The following SHANK2 variants were observed in gnomAD, a reference collection of about 807,000 sequenced individuals.
The protein encoded by SHANK2 is SH3 and multiple ankyrin repeat domains 2.
A neutral mutation model predicts 133.7 loss-of-function variants in SHANK2; 43 were observed. The observed-to-expected ratio is 0.32, with a 90% confidence interval of 0.25 to 0.41. SHANK2 has a LOEUF of 0.41. Ranked by LOEUF, SHANK2 falls within the 10% of genes least tolerant of loss-of-function variation. The pLI is 1.00. For missense variants in SHANK2, 1,994 were observed against 2,235.8 expected, an observed-to-expected ratio of 0.89 and a Z score of 2.18; for synonymous variants, 1,017 against 952.8, an observed-to-expected ratio of 1.07 and a Z score of -1.24.
At chr11:71,250,891 C>T (rs1948166624) in intron 1 of SHANK2, among the ~76,000 whole-genome samples, 1 of 152,366 alleles carries the variant, frequency 6.6e-6, no homozygotes, top group South Asian at 2.1e-4. Flanking sequence ...GAAATTACCT[C>T]TCTGGATCTG....
intron 14 of SHANK2, among the ~76,000 whole-genome samples, chr11:70,760,688 GGCCCCATGGTGGCT>G (rs1946977627): frequency 6.6e-6 from 1 of 152,236 alleles, no homozygotes; most frequent in Non-Finnish European, 1.5e-5. Context: ...GGCTCGGGAA[GGCCCCATGGTGGCT>G]GCTCCCCTGA....
chr11:70,584,217 G>A (rs2060219584), intron 17 of SHANK2, among the ~76,000 whole-genome samples: 1 of 152,158 alleles, frequency 6.6e-6, no homozygotes. Flanking sequence ...TGGTGAGTCC[G>A]AAGGTAGGAG....
intron 15 of SHANK2, among the ~76,000 whole-genome samples, chr11:70,686,944 G>C (rs189703480): frequency 2.0e-5 from 3 of 152,184 alleles, no homozygotes; most frequent in African/African-American, 4.8e-5. Flanking sequence ...GATGGCCCCT[G>C]TCTGGACCCC....
intron 12 of SHANK2, among the ~76,000 whole-genome samples, chr11:70,816,766 G>A (rs568353290): frequency 3.7e-4 from 57 of 152,264 alleles, no homozygotes; most frequent in African/African-American, 1.3e-3. Flanking sequence ...CCGAATGAGC[G>A]TTTCCCTATC....
At chr11:70,736,487 A>G (rs562258) in intron 14 of SHANK2, among the ~76,000 whole-genome samples, 72,827 of 152,024 alleles carry the variant, frequency 0.48, 18,322 homozygotes, top group African/African-American at 0.64. Flanking sequence ...AAGAGAAGAC[A>G]CAGACACAGA....
chr11:71,086,253 A>ATATTAAATTATATAATATAT (rs1437816656), intron 8 of SHANK2, among the ~76,000 whole-genome samples: 10 of 54,068 alleles, frequency 1.8e-4, no homozygotes, highest in African/African-American at 8.0e-4. Context: ...ATTATGTTAT[A>ATATTAAATTATATAATATAT]TATGTTATAT....
At chr11:70,752,629 C>T (rs1946775734) in intron 14 of SHANK2, among the ~76,000 whole-genome samples, 1 of 147,670 alleles carries the variant, frequency 6.8e-6, no homozygotes, top group Admixed American at 6.9e-5. Flanking sequence ...TGGCGTGAAC[C>T]CGGGAGGCGG....
chr11:71,092,630 G>A, intron 7 of SHANK2, 41 bp from the exon 8 acceptor site: 1 of 1,542,672 alleles, frequency 6.5e-7, no homozygotes. Flanking sequence ...TTGGTCTCAT[G>A]ACCCCTTTTG....
chr11:70,784,386 G>A (rs1040570336), intron 14 of SHANK2, among the ~76,000 whole-genome samples: 32 of 123,674 alleles, frequency 2.6e-4, no homozygotes, highest in Admixed American at 9.2e-4. Context: ...AAGTAGCGAC[G>A]GGGTTTCACC....
intron 10 of SHANK2, among the ~76,000 whole-genome samples, chr11:70,945,438 CAT>C (rs1555085190): frequency 6.6e-6 from 1 of 152,198 alleles, no homozygotes; most frequent in Non-Finnish European, 1.5e-5. Context: ...CCTACGGCCT[CAT>C]GTGGAAGGGC....
At chr11:70,636,575 A>G (rs28568705) in intron 17 of SHANK2, among the ~76,000 whole-genome samples, 6 of 43,842 alleles carry the variant, frequency 1.4e-4, no homozygotes, top group East Asian at 4.9e-4. Flanking sequence ...ATGTGTGTGT[A>G]TGAATGTGAG....
At chr11:70,784,561 C>T (rs1215150780) in intron 14 of SHANK2, among the ~76,000 whole-genome samples, 1 of 151,880 alleles carries the variant, frequency 6.6e-6, no homozygotes, top group Non-Finnish European at 1.5e-5. Flanking sequence ...CCCACCTCAG[C>T]CTCCCAAAGT....
At chr11:70,649,434 A>G (rs1391200620) in intron 17 of SHANK2, among the ~76,000 whole-genome samples, 3 of 152,128 alleles carry the variant, frequency 2.0e-5, no homozygotes, top group Non-Finnish European at 4.4e-5. Flanking sequence ...CTGTTGGCGC[A>G]CACACACCCT....
intron 2 of SHANK2, among the ~76,000 whole-genome samples, chr11:71,172,853 G>A (rs558329755): frequency 1.3e-5 from 2 of 152,352 alleles, no homozygotes; most frequent in South Asian, 4.1e-4. Context: ...GGCAGGCAAT[G>A]GCAGGTACAC....
chr11:70,701,802 T>C (rs781996517), intron 14 of SHANK2, among the ~76,000 whole-genome samples: 4 of 152,136 alleles, frequency 2.6e-5, no homozygotes, highest in Non-Finnish European at 4.4e-5. Flanking sequence ...GAAACAGTTA[T>C]ACTTGGGCTC....
rs543545582 is a variant in SHANK2, at chr11:71,154,215, A to G, written c.-12-6877T>C. Reference sequence around the variant, plus strand: ...CCGAGGCTCCCCTGGTGCCGTTTACAGACATTTAAACTCGGGGTCAAACGG... The same window carrying G: ...CCGAGGCTCCCCTGGTGCCGTTTACGGACATTTAAACTCGGGGTCAAACGG... On this transcript the variant is annotated intron_variant, in intron 2 of 25. Transcript: ENST00000601538. Among the ~76,000 whole-genome samples the G allele has an allele frequency of 1.3e-3, 204 of 152,348 alleles. 2 individuals are homozygous for G. The highest frequency in any genetic ancestry group is 8.7e-3 in the South Asian group (42 of 4,832).
At chr11:70,717,140 C>A (rs1221189349) in intron 14 of SHANK2, among the ~76,000 whole-genome samples, 1 of 152,230 alleles carries the variant, frequency 6.6e-6, no homozygotes, top group Non-Finnish European at 1.5e-5. Context: ...GAAAGGCAGG[C>A]TGCACTCGGG....
At chr11:70,795,555 G>T (rs1350236657) in intron 14 of SHANK2, among the ~76,000 whole-genome samples, 1 of 152,024 alleles carries the variant, frequency 6.6e-6, no homozygotes, top group Admixed American at 6.6e-5. Context: ...ACAGGTGCAT[G>T]GCACCATGTC....
chr11:70,859,240 T>C (rs1949218759), intron 11 of SHANK2, among the ~76,000 whole-genome samples: 1 of 151,892 alleles, frequency 6.6e-6, no homozygotes, highest in Non-Finnish European at 1.5e-5. Flanking sequence ...AATAGATGTG[T>C]AGATAAGTAG....
Sources: allele counts gnomAD v4.1 joint callset (sites outside exome capture counted in the v4.1 genomes callset), GRCh38; gene constraint gnomAD v4.1.1; transcripts MANE v1.5; gene names NCBI Gene and HGNC (gene_info 2026-07-23, HGNC 2026-07-21).